The following PI3 variants were observed in gnomAD, a reference collection of about 807,000 sequenced individuals.
The protein encoded by PI3 is elafin.
Under a neutral mutation model 6.0 loss-of-function variants are expected in PI3, and 4 were observed. The observed-to-expected ratio is 0.67, with a 90% CI of 0.33 to 1.54. PI3 has a LOEUF of 1.54. PI3 is among the 40% of genes most tolerant of loss of function. The pLI, the probability that PI3 is intolerant of heterozygous loss-of-function variation, is 0.06. For missense variants in PI3, 149 were observed against 147.6 expected, an observed-to-expected ratio of 1.01 and a Z score of -0.05; for synonymous variants, 58 against 56.9, an observed-to-expected ratio of 1.02 and a Z score of -0.09.
At chr20:45,175,242 C>G (rs1248114189) in intron 1 of PI3, among the ~76,000 whole-genome samples, 1 of 152,174 alleles carries the variant, frequency 6.6e-6, no homozygotes, top group Non-Finnish European at 1.5e-5. Context: ...GGTATGTGGC[C>G]TTGGCCTCAG....
chr20:45,174,928 G>A lies in PI3; in HGVS notation c.6G>A (p.Arg2=), dbSNP rs765553454. Residue 2 remains arginine (R), a synonymous_variant, in exon 1 of 3, where the codon AGG becomes AGA. Coordinates refer to ENST00000243924, the MANE Select transcript of PI3 (RefSeq NM_002638.4). M[R]ASSFLIVVVF... Reference sequence around the variant, plus strand: ...CCAAACACCTTCCTGACACCATGAGGGCCAGCAGCTTCTTGATCGTGGTGG... The same window carrying A: ...CCAAACACCTTCCTGACACCATGAGAGCCAGCAGCTTCTTGATCGTGGTGG... 5.6e-6 allele frequency: 9 copies of A among 1,612,334 alleles called. No homozygotes were observed. Among genetic ancestry groups the A allele is most frequent in the South Asian group, 3.3e-5 (3 of 90,950 alleles).
intron 1 of PI3, among the ~76,000 whole-genome samples, chr20:45,175,509 C>G (rs757368827): frequency 6.6e-6 from 1 of 152,206 alleles, no homozygotes. Flanking sequence ...GGGCTCAAGT[C>G]TCCTAGTATG....
chr20:45,175,863 C>T lies in PI3; in HGVS notation c.82C>T (p.Pro28Ser), dbSNP rs1028917859. 2 of 1,613,706 alleles carry T rather than the reference C, an allele frequency of 1.2e-6. No individual in the cohort carries two copies. Among genetic ancestry groups the T allele is most frequent in the Non-Finnish European group, 8.5e-7 (1 of 1,179,754 alleles). Reference protein sequence around the residue: ...LVLEAAVTGVPVKGQDTVKGR... With the variant: ...LVLEAAVTGVSVKGQDTVKGR... ...GGGCTCGTTTCTTCTTTTAACAGTT[C>T]CTGTTAAAGGTCAAGACACTGTCAA... Residue 28 changes from proline (P) to serine (S), a missense_variant and splice_region_variant, in exon 2 of 3, where the codon CCT becomes TCT. Physicochemically the swap from Pro to Ser is moderately conservative, Grantham distance 74. Transcript: ENST00000243924.
intron 1 of PI3, 67 bp from the exon 2 acceptor site, chr20:45,175,794 G>A: frequency 6.5e-7 from 1 of 1,549,176 alleles, no homozygotes; most frequent in Non-Finnish European, 8.8e-7. Flanking sequence ...AGACCCAGAG[G>A]AAAGACATGG....
rs1982796534 is a variant in PI3 at position 45,176,441 on chromosome 20, G to C, written c.*73G>C. On this transcript the variant is annotated 3_prime_UTR_variant, in exon 3 of 3. Coordinates refer to ENST00000243924, the MANE Select transcript of PI3 (RefSeq NM_002638.4). ...CCCCATCTGGTCCTAAGTCCCTGCT[G>C]CCCTTCCCCTTCCCACACTGTCCAT... 1 of 410,758 alleles carries C rather than the reference G, an allele frequency of 2.4e-6. No individual in the cohort carries two copies. The highest frequency in any genetic ancestry group is 3.9e-5 in the Admixed American group (1 of 25,436). The allele number at this position is 410,758 out of a possible 1,614,324, so 25.4% of individuals were successfully genotyped here.
intron 2 of PI3, 85 bp downstream of exon 2, chr20:45,176,221 G>A (rs940704117): frequency 9.9e-6 from 13 of 1,313,246 alleles, no homozygotes; most frequent in South Asian, 1.3e-5. Flanking sequence ...TTGGTGGGAG[G>A]GAGGTTGTGG....
Position 45,176,073 on chromosome 20 carries a change from T to A in PI3, c.292T>A (p.Cys98Ser). 6.2e-7 allele frequency: 1 copy of A among 1,614,160 alleles called. No homozygotes were observed. The highest frequency in any genetic ancestry group is 8.5e-7 in the Non-Finnish European group (1 of 1,180,018). The change falls in exon 2 of 3, where the codon TGC becomes AGC. Residue 98 changes from cysteine (C) to serine (S), a missense_variant. By Grantham distance (112) the Cys-to-Ser change is moderately radical (BLOSUM62 -1). Coordinates refer to ENST00000243924, the MANE Select transcript of PI3 (RefSeq NM_002638.4). The part of the protein sequence containing the change: ...PPNRCLKDTD[C>S]PGIKKCCEGS... ...TAACCGCTGCTTGAAAGATACTGAC[T>A]GCCCAGGAATCAAGAAGTGCTGTGA...
Position 45,176,023 on chromosome 20 carries a change from T to G in PI3, c.242T>G (p.Ile81Ser). 7 of 1,614,138 alleles carry G rather than the reference T, an allele frequency of 4.3e-6. No homozygotes were observed. The highest frequency in any genetic ancestry group is 5.9e-6 in the Non-Finnish European group (7 of 1,180,020). Residue 81 changes from isoleucine (I) to serine (S), a missense_variant, in exon 2 of 3, where the codon ATC becomes AGC. By Grantham distance (142) the Ile-to-Ser change is moderately radical. Transcript: ENST00000243924. Reference sequence around the variant, plus strand: ...CCTGGCTCCTGCCCCATTATCTTGATCCGGTGCGCCATGTTGAATCCCCCT... The same window carrying G: ...CCTGGCTCCTGCCCCATTATCTTGAGCCGGTGCGCCATGTTGAATCCCCCT... ...TKPGSCPIIL[I>S]RCAMLNPPNR...
intron 1 of PI3, 139 bp from the exon 2 acceptor site, chr20:45,175,722 A>G (rs1982776231): frequency 2.4e-6 from 2 of 843,252 alleles, no homozygotes; most frequent in Non-Finnish European, 3.8e-6. Flanking sequence ...TAGCTCCCAG[A>G]GGTGTACCTT....
rs143775390 is a variant in PI3 at position 45,175,969 on chromosome 20, A to G, written c.188A>G (p.Glu63Gly). ...GGTCAAGATAAAGTCAAAGCGCAAG[A>G]GCCAGTCAAAGGTCCAGTCTCCACT... is the stretch of plus-strand genomic sequence containing the variant. Reference protein sequence around the residue: ...VKGQDKVKAQEPVKGPVSTKP... With the variant: ...VKGQDKVKAQGPVKGPVSTKP... Residue 63 changes from glutamate (E) to glycine (G), a missense_variant, in exon 2 of 3, where the codon GAG becomes GGG. Physicochemically the swap from Glu to Gly is moderately conservative, Grantham distance 98 (BLOSUM62 -2). Coordinates refer to ENST00000243924, the MANE Select transcript of PI3 (RefSeq NM_002638.4). 40 of 1,614,082 alleles carry G rather than the reference A, an allele frequency of 2.5e-5. No homozygotes were observed. The highest frequency in any genetic ancestry group is 3.4e-5 in the Non-Finnish European group (40 of 1,180,034).
chr20:45,176,042 T>G lies in PI3; in HGVS notation c.261T>G (p.Asn87Lys). ...PIILIRCAMLNPPNRCLKDTD... is the reference protein window; with the variant it reads ...PIILIRCAMLKPPNRCLKDTD... Reference sequence around the variant, plus strand: ...TCTTGATCCGGTGCGCCATGTTGAATCCCCCTAACCGCTGCTTGAAAGATA... The same window carrying G: ...TCTTGATCCGGTGCGCCATGTTGAAGCCCCCTAACCGCTGCTTGAAAGATA... Residue 87 changes from asparagine to lysine, a missense_variant, in exon 2 of 3, where the codon AAT becomes AAG. Physicochemically the swap from Asn to Lys is moderately conservative, Grantham distance 94 (BLOSUM62 0). Transcript: ENST00000243924. 1 of 1,613,842 alleles carries G rather than the reference T, an allele frequency of 6.2e-7. No individual in the cohort carries two copies. Among genetic ancestry groups the G allele is most frequent in the Non-Finnish European group, 8.5e-7 (1 of 1,179,954 alleles).
intron 1 of PI3, among the ~76,000 whole-genome samples, chr20:45,175,247 C>T (rs536677354): frequency 6.6e-6 from 1 of 152,176 alleles, no homozygotes; most frequent in Non-Finnish European, 1.5e-5. Context: ...GTGGCCTTGG[C>T]CTCAGATGTC....
intron 2 of PI3, 83 bp from the exon 3 acceptor site, chr20:45,176,287 C>A: frequency 1.5e-6 from 1 of 682,814 alleles, no homozygotes; most frequent in Non-Finnish European, 2.5e-6. Flanking sequence ...ACCAGAGTGC[C>A]TAGAAGGATG....
intron 1 of PI3, 75 bp from the exon 2 acceptor site, chr20:45,175,786 A>G: frequency 6.6e-7 from 1 of 1,515,124 alleles, no homozygotes; most frequent in African/African-American, 1.4e-5. Flanking sequence ...ATGGACCCAG[A>G]CCCAGAGGAA....
Position 45,176,049 on chromosome 20 carries a change from A to G in PI3, c.268A>G (p.Asn90Asp). 1 of 1,614,010 alleles carries G rather than the reference A, an allele frequency of 6.2e-7. No homozygotes were observed. ...CCGGTGCGCCATGTTGAATCCCCCT[A>G]ACCGCTGCTTGAAAGATACTGACTG... Reference protein sequence around the residue: ...LIRCAMLNPPNRCLKDTDCPG... With the variant: ...LIRCAMLNPPDRCLKDTDCPG... Residue 90 changes from asparagine to aspartate, a missense_variant, in exon 2 of 3, where the codon AAC (asparagine) becomes GAC (aspartate). By Grantham distance (23) the Asn-to-Asp change is conservative. Coordinates refer to ENST00000243924, the MANE Select transcript of PI3 (RefSeq NM_002638.4).
At chr20:45,175,432 A>G (rs1429907391) in intron 1 of PI3, among the ~76,000 whole-genome samples, 1 of 152,246 alleles carries the variant, frequency 6.6e-6, no homozygotes, top group Non-Finnish European at 1.5e-5. Flanking sequence ...CCCCCATTTT[A>G]TAAGGAGGGA....
rs371615147 is a variant in PI3, at chr20:45,175,865, T to C, written c.84T>C (p.Pro28=). 1.8e-5 allele frequency: 29 copies of C among 1,613,944 alleles called. No homozygotes were observed. The highest frequency in any genetic ancestry group is 1.7e-6 in the Non-Finnish European group (2 of 1,179,982). Residue 28 remains proline (P), a synonymous_variant, in exon 2 of 3, where the codon CCT becomes CCC. Coordinates refer to ENST00000243924, the MANE Select transcript of PI3 (RefSeq NM_002638.4). ...GCTCGTTTCTTCTTTTAACAGTTCCTGTTAAAGGTCAAGACACTGTCAAAG... is the reference window on the plus strand; with the variant it reads ...GCTCGTTTCTTCTTTTAACAGTTCCCGTTAAAGGTCAAGACACTGTCAAAG... ...LVLEAAVTGV[P]VKGQDTVKGR...
Position 45,175,954 on chromosome 20 carries a change from A to G in PI3, c.173A>G (p.Lys58Arg). ...KGQVSVKGQD[K>R]VKAQEPVKGP... ...CAAGTTTCAGTTAAAGGTCAAGATAAAGTCAAAGCGCAAGAGCCAGTCAAA... is the reference window on the plus strand; with the variant it reads ...CAAGTTTCAGTTAAAGGTCAAGATAGAGTCAAAGCGCAAGAGCCAGTCAAA... Residue 58 changes from lysine to arginine, a missense_variant, in exon 2 of 3, where the codon AAA becomes AGA. Coordinates refer to ENST00000243924, the MANE Select transcript of PI3 (RefSeq NM_002638.4). 6.2e-7 allele frequency: 1 copy of G among 1,614,160 alleles called. No homozygotes were observed. The highest frequency in any genetic ancestry group is 8.5e-7 in the Non-Finnish European group (1 of 1,180,024).
rs534212252 is a variant in PI3 at position 45,176,089 on chromosome 20, A to C, written c.308A>C (p.Lys103Thr). 6.2e-7 allele frequency: 1 copy of C among 1,614,166 alleles called. No individual in the cohort carries two copies. Among genetic ancestry groups the C allele is most frequent in the Admixed American group, 1.7e-5 (1 of 60,022 alleles). The change falls in exon 2 of 3, where the codon AAG (lysine) becomes ACG (threonine). Residue 103 changes from lysine (K) to threonine (T), a missense_variant. Lys to Thr is a moderately conservative substitution (Grantham distance 78). Coordinates refer to ENST00000243924, the MANE Select transcript of PI3 (RefSeq NM_002638.4). ...GATACTGACTGCCCAGGAATCAAGA[A>C]GTGCTGTGAAGGCTCTTGCGGGATG... Reference protein sequence around the residue: ...LKDTDCPGIKKCCEGSCGMAC... With the variant: ...LKDTDCPGIKTCCEGSCGMAC...
Sources: gnomAD v4.1 joint callset for allele counts (sites outside exome capture counted in the v4.1 genomes callset) on GRCh38, gnomAD v4.1.1 for gene constraint, MANE v1.5 for transcripts, NCBI Gene and HGNC (gene_info 2026-07-23, HGNC 2026-07-21) for gene names.